The following ATP6V1B2 variants were observed in gnomAD, a reference collection of about 807,000 sequenced individuals.
ATP6V1B2 encodes ATPase H+ transporting V1 subunit B2.
In ATP6V1B2, 23 loss-of-function variants were observed where a neutral mutation model predicts 66.7. That is an observed-to-expected ratio of 0.34 (90% CI 0.25 to 0.49). The LOEUF (loss-of-function observed/expected upper bound fraction) is 0.49. Ranked by LOEUF, ATP6V1B2 falls within the 20% of genes least tolerant of loss-of-function variation. ATP6V1B2 has a pLI of 0.99. For synonymous variants in ATP6V1B2, 278 were observed against 236.7 expected, an observed-to-expected ratio of 1.17 and a Z score of -1.60; for missense variants, 478 against 650.8, an observed-to-expected ratio of 0.73 and a Z score of 2.89.
At chr8:20,216,677 T>C in intron 11 of ATP6V1B2, 182 bp downstream of exon 11, 1 of 524,480 alleles carries the variant, frequency 1.9e-6, no homozygotes, top group South Asian at 2.9e-5. Flanking sequence ...AGCGCCAGAA[T>C]TAAGAATCTT....
intron 2 of ATP6V1B2, among the ~76,000 whole-genome samples, chr8:20,206,092 C>T (rs1039459829): frequency 1.3e-5 from 2 of 152,180 alleles, no homozygotes; most frequent in Admixed American, 1.3e-4. Flanking sequence ...TCTACCACAA[C>T]CTGCAGCAAA....
At chr8:20,198,397 T>A (rs1021345057) in intron 1 of ATP6V1B2, among the ~76,000 whole-genome samples, 7 of 152,226 alleles carry the variant, frequency 4.6e-5, no homozygotes, top group African/African-American at 1.4e-4. Flanking sequence ...TAGGCTTGTT[T>A]AAATGTTGTG....
At chr8:20,211,852 G>A (rs2072798311) in intron 7 of ATP6V1B2, 99 bp downstream of exon 7, 6 of 1,056,690 alleles carry the variant, frequency 5.7e-6, no homozygotes, top group Admixed American at 5.7e-5. Context: ...TTTTCTTTAG[G>A]TAAAGAATTT....
chr8:20,211,595 T>C, intron 6 of ATP6V1B2, 57 bp from the exon 7 acceptor site: 3 of 1,525,496 alleles, frequency 2.0e-6, no homozygotes, highest in Non-Finnish European at 2.7e-6. Flanking sequence ...TAAAAGTTAT[T>C]TTGTTGTAGA....
chr8:20,216,595 T>C (rs2072856823), intron 11 of ATP6V1B2, 100 bp downstream of exon 11: 1 of 1,086,680 alleles, frequency 9.2e-7, no homozygotes, highest in Non-Finnish European at 1.3e-6. Context: ...GCTTAGAAAG[T>C]ATCAACTTGA....
At chr8:20,199,013 G>C (rs906929909) in intron 1 of ATP6V1B2, among the ~76,000 whole-genome samples, 6 of 152,190 alleles carry the variant, frequency 3.9e-5, no homozygotes, top group African/African-American at 1.4e-4. Context: ...ATAGACATTA[G>C]TGGTGCCTCT....
At chr8:20,214,096 C>T (rs11204100) in intron 9 of ATP6V1B2, 48,601 of 152,076 alleles carry the variant, frequency 0.32, 9,177 homozygotes, top group East Asian at 0.64. Flanking sequence ...TGAGGAGCAC[C>T]GCTGTAGCAC....
chr8:20,208,788 ACCT>A (rs766623918), intron 2 of ATP6V1B2, among the ~76,000 whole-genome samples: 22 of 151,030 alleles, frequency 1.5e-4, no homozygotes, highest in Non-Finnish European at 2.5e-4. Context: ...GCTCACTGCA[ACCT>A]CCGTCTCCCC....
intron 2 of ATP6V1B2, among the ~76,000 whole-genome samples, chr8:20,205,897 G>C (rs1409413158): frequency 1.3e-5 from 2 of 152,114 alleles, no homozygotes; most frequent in African/African-American, 4.8e-5. Context: ...TAAAATATCA[G>C]CAAAAGTAGA....
chr8:20,211,393 G>A lies in ATP6V1B2; in HGVS notation c.603+77G>A, dbSNP rs549829965. 125 of 1,540,602 alleles carry A rather than the reference G, an allele frequency of 8.1e-5. No homozygotes were observed. In the East Asian group the frequency reaches 2.2e-3, roughly 28 times the overall value. Reference sequence around the variant, plus strand: ...AATGCATCACTGTTACTGAGAAACCGAATAAAGGGTTTTCAAAATAAATAC... The same window carrying A: ...AATGCATCACTGTTACTGAGAAACCAAATAAAGGGTTTTCAAAATAAATAC... On this transcript the variant is annotated intron_variant, in intron 6 of 13. Transcript: ENST00000276390.
chr8:20,219,218 C>A (rs547047226), intron 13 of ATP6V1B2, among the ~76,000 whole-genome samples: 2 of 152,226 alleles, frequency 1.3e-5, no homozygotes, highest in South Asian at 4.1e-4. Context: ...TCTGTGAATT[C>A]CTGGGTGATG....
At chr8:20,216,659 G>A (rs1462938926) in intron 11 of ATP6V1B2, 164 bp downstream of exon 11, 6 of 573,766 alleles carry the variant, frequency 1.0e-5, no homozygotes, top group African/African-American at 1.9e-5. Context: ...AAATTCTGGT[G>A]TCGGCAGAGC....
chr8:20,211,381 T>C lies in ATP6V1B2; in HGVS notation c.603+65T>C, dbSNP rs750734250. The C allele has an allele frequency of 7.0e-6, 11 of 1,568,228 alleles. No homozygotes were observed. The Admixed American group carries it at 1.9e-4, about 27-fold the overall frequency. ...AAGAATTTCTATAATGCATCACTGT[T>C]ACTGAGAAACCGAATAAAGGGTTTT... On this transcript the variant is annotated intron_variant, in intron 6 of 13. Coordinates refer to ENST00000276390, the MANE Select transcript of ATP6V1B2 (RefSeq NM_001693.4).
chr8:20,218,522 C>T (rs568054231), intron 13 of ATP6V1B2, among the ~76,000 whole-genome samples: 13 of 152,194 alleles, frequency 8.5e-5, no homozygotes, highest in African/African-American at 9.6e-5. Context: ...CTTCTTCCAT[C>T]GCCCTTCTGA....
chr8:20,204,237 A>T (rs1241034902), intron 1 of ATP6V1B2, among the ~76,000 whole-genome samples: 1 of 152,156 alleles, frequency 6.6e-6, no homozygotes, highest in Non-Finnish European at 1.5e-5. Flanking sequence ...TTGTTTTTGT[A>T]TGCTGGGTGC....
intron 13 of ATP6V1B2, 122 bp from the exon 14 acceptor site, chr8:20,220,141 G>A: frequency 9.2e-7 from 1 of 1,090,950 alleles, no homozygotes; most frequent in Non-Finnish European, 1.3e-6. Flanking sequence ...AGTCTTGGGA[G>A]TCCCAACTTT....
chr8:20,217,420 C>A, intron 12 of ATP6V1B2, 96 bp downstream of exon 12: 1 of 1,098,582 alleles, frequency 9.1e-7, no homozygotes, highest in South Asian at 1.3e-5. Flanking sequence ...TCTCTCTTCC[C>A]CATCCACATG....
At chr8:20,220,030 G>A (rs998827251) in intron 13 of ATP6V1B2, among the ~76,000 whole-genome samples, 2 of 151,976 alleles carry the variant, frequency 1.3e-5, no homozygotes, top group Non-Finnish European at 2.9e-5. Context: ...ATCCTCTCCC[G>A]CAAGACTGCT....
Position 20,209,423 on chromosome 8 carries a change from T to A in ATP6V1B2, c.193-10T>A. 3.1e-6 allele frequency: 5 copies of A among 1,612,978 alleles called. No homozygotes were observed. The highest frequency in any genetic ancestry group is 4.2e-6 in the Non-Finnish European group (5 of 1,179,130). On this transcript the variant is annotated splice_polypyrimidine_tract_variant and intron_variant, in intron 2 of 13. Transcript: ENST00000276390. Reference sequence around the variant, plus strand: ...TGTCGGATATTGATCCTTTATTTTTTTCTCTTTAGTTTCCCAGGTATGCTG... The same window carrying A: ...TGTCGGATATTGATCCTTTATTTTTATCTCTTTAGTTTCCCAGGTATGCTG...
Sources: allele counts gnomAD v4.1 joint callset (sites outside exome capture counted in the v4.1 genomes callset), GRCh38; gene constraint gnomAD v4.1.1; transcripts MANE v1.5; gene names NCBI Gene and HGNC (gene_info 2026-07-23, HGNC 2026-07-21).